The following AGO4 variants were observed in gnomAD, a reference collection of about 807,000 sequenced individuals.
The protein encoded by AGO4 is argonaute RISC component 4, also known as protein argonaute-4.
A neutral mutation model predicts 104.7 loss-of-function variants in AGO4; 33 were observed. That is an observed-to-expected ratio of 0.32 (90% CI 0.24 to 0.42). AGO4 has a LOEUF of 0.42. AGO4 is among the 10% of genes least tolerant of loss of function. AGO4 has a pLI of 1.00. For missense variants in AGO4, 711 were observed against 1,083.4 expected, an observed-to-expected ratio of 0.66 and a Z score of 4.83; for synonymous variants, 331 against 364.7, an observed-to-expected ratio of 0.91 and a Z score of 1.05.
chr1:35,811,756 C>T (rs1003685553), intron 1 of AGO4, among the ~76,000 whole-genome samples: 26 of 151,958 alleles, frequency 1.7e-4, no homozygotes, highest in Admixed American at 1.1e-3. Flanking sequence ...GCACCCACCA[C>T]GCCTGGCTAA....
At chr1:35,825,838 C>T in intron 5 of AGO4, 23 bp downstream of exon 5, 1 of 1,589,384 alleles carries the variant, frequency 6.3e-7, no homozygotes, top group Non-Finnish European at 8.6e-7. Context: ...TCTCTTTATC[C>T]AATAACTCTT....
At chr1:35,830,209 C>T (rs981243775) in intron 7 of AGO4, among the ~76,000 whole-genome samples, 1 of 151,594 alleles carries the variant, frequency 6.6e-6, no homozygotes, top group Non-Finnish European at 1.5e-5. Flanking sequence ...ATAATTTGCC[C>T]ACTGGAAAAG....
intron 1 of AGO4, among the ~76,000 whole-genome samples, chr1:35,813,592 C>T (rs1000769219): frequency 1.3e-4 from 19 of 151,320 alleles, no homozygotes; most frequent in Non-Finnish European, 7.4e-5. Flanking sequence ...CCCCAAACCT[C>T]GTCTCTACCA....
chr1:35,832,380 T>G (rs962849672), intron 10 of AGO4, 57 bp from the exon 11 acceptor site: 4 of 1,521,858 alleles, frequency 2.6e-6, no homozygotes, highest in Non-Finnish European at 3.5e-6. Context: ...TTGTAATGTC[T>G]TTTCTCTTTT....
intron 2 of AGO4, among the ~76,000 whole-genome samples, chr1:35,820,347 T>C (rs897819832): frequency 7.9e-5 from 12 of 151,926 alleles, no homozygotes; most frequent in African/African-American, 2.4e-4. Context: ...ATTAAGAAAG[T>C]TTAATTTTTT....
At chr1:35,814,991 C>G (rs556659935) in intron 1 of AGO4, among the ~76,000 whole-genome samples, 1 of 152,144 alleles carries the variant, frequency 6.6e-6, no homozygotes, top group African/African-American at 2.4e-5. Context: ...GATTCTCCTG[C>G]CTCAGCCTCC....
intron 15 of AGO4, among the ~76,000 whole-genome samples, chr1:35,845,063 G>C (rs1644534892): frequency 6.7e-6 from 1 of 148,736 alleles, no homozygotes; most frequent in African/African-American, 2.5e-5. Context: ...TGCCTTATTT[G>C]GCCTTAGCAA....
At chr1:35,826,098 TCAGCATGCTG>T in intron 6 of AGO4, 38 bp downstream of exon 6, 1 of 1,608,982 alleles carries the variant, frequency 6.2e-7, no homozygotes, top group African/African-American at 1.3e-5. Flanking sequence ...GAGAAGCAGC[TCAGCATGCTG>T]CACGTTGCCT....
chr1:35,810,799 A>G (rs538984245), intron 1 of AGO4, among the ~76,000 whole-genome samples: 1 of 152,248 alleles, frequency 6.6e-6, no homozygotes, highest in Non-Finnish European at 1.5e-5. Context: ...TTGCCCTTTC[A>G]GAGAATGCAG....
chr1:35,831,825 T>C lies in AGO4; in HGVS notation c.1010T>C (p.Val337Ala). 1 of 1,614,098 alleles carries C rather than the reference T, an allele frequency of 6.2e-7. No homozygotes were observed. The highest frequency in any genetic ancestry group is 8.5e-7 in the Non-Finnish European group (1 of 1,179,986). ...TYLPLEVCNI[V>A]AGQRCIKKLT... is the part of the protein sequence containing the mutation. ...GTCTCTTGGCAGGTCTGTAATATAGTGGCAGGACAGCGATGTATCAAGAAG... is the reference window on the plus strand; with the variant it reads ...GTCTCTTGGCAGGTCTGTAATATAGCGGCAGGACAGCGATGTATCAAGAAG... The change falls in exon 9 of 18, where the codon GTG (valine) becomes GCG (alanine). Residue 337 changes from valine (V) to alanine (A), a missense_variant. Transcript: ENST00000373210.
chr1:35,824,731 T>G (rs1201596225), intron 3 of AGO4, among the ~76,000 whole-genome samples: 1 of 152,102 alleles, frequency 6.6e-6, no homozygotes, highest in Non-Finnish European at 1.5e-5. Flanking sequence ...AGCCCAGGAC[T>G]TTGAGGCTAC....
rs1281782999 is a variant in AGO4 at position 35,808,891 on chromosome 1, C to T, written c.19+456C>T. ...ATTTTTCTTTGCACTGGCAGATGGT[C>T]CAGAGCCTTCAGATGAGGAAGAAGA... On this transcript the variant is annotated intron_variant, in intron 1 of 17. Transcript: ENST00000373210. The surrounding 1 kb of genome is among the most constrained non-coding windows in gnomAD (Gnocchi z 5.2). Among the ~76,000 whole-genome samples, 1 of 152,194 alleles carries T rather than the reference C, an allele frequency of 6.6e-6. No individual in the cohort carries two copies. Among genetic ancestry groups the T allele is most frequent in the Non-Finnish European group, 1.5e-5 (1 of 68,040 alleles).
rs200471384 is a variant in AGO4 at position 35,825,788 on chromosome 1, A to C, written c.598A>C (p.Met200Leu). 29 of 1,591,584 alleles carry C rather than the reference A, an allele frequency of 1.8e-5. No individual in the cohort carries two copies. The highest frequency in any genetic ancestry group is 9.0e-5 in the Admixed American group (5 of 55,310). The change falls in exon 5 of 18, where the codon ATG becomes CTG. Residue 200 changes from methionine (M) to leucine (L), a missense_variant. Physicochemically the swap from Met to Leu is conservative, Grantham distance 15. Around this residue, in one of 3 missense-constraint regions of AGO4, gnomAD observed 308 missense variants for 397.8 expected, o/e 0.77. Transcript: ENST00000373210. The stretch of plus-strand genomic sequence containing the variant: ...TTTTCATCAGTCTGTGAGACCTGCC[A>C]TGTGGAATATGATGCTCAACATTGA... ...FGFHQSVRPA[M>L]WNMMLNIDVS...
chr1:35,830,131 G>A lies in AGO4; in HGVS notation c.849-1296G>A, dbSNP rs373682755. Among the ~76,000 whole-genome samples the A allele has an allele frequency of 4.8e-4, 51 of 105,598 alleles. 1 individual carries two copies. The highest frequency in any genetic ancestry group is 1.7e-3 in the African/African-American group (49 of 29,350). The allele number at this position is 105,598 out of a possible 152,430, so 69.3% of individuals were successfully genotyped here. Reference sequence around the variant, plus strand: ...TGCACTCCAGCCTAGGTGACAGAACGAGACTCTGTCTCAAAAAAAAAAAAA... The same window carrying A: ...TGCACTCCAGCCTAGGTGACAGAACAAGACTCTGTCTCAAAAAAAAAAAAA... On this transcript the variant is annotated intron_variant, in intron 7 of 17. Transcript: ENST00000373210.
At position 35,831,928 on chromosome 1, in the gene AGO4, A is replaced by G. The variant is rs376270425; in HGVS notation, c.1113A>G (p.Arg371=). ...CTGACAGACAGGAAGAGATCAGTAGACTGGTCAGTAAGGCATGGTCTTCAA... is the reference window on the plus strand; with the variant it reads ...CTGACAGACAGGAAGAGATCAGTAGGCTGGTCAGTAAGGCATGGTCTTCAA... ...SAPDRQEEIS[R]LVKSNSMVGG... is the part of the protein sequence containing the mutation. Residue 371 remains arginine, a synonymous_variant, in exon 9 of 18, where the codon AGA becomes AGG. Coordinates refer to ENST00000373210, the MANE Select transcript of AGO4 (RefSeq NM_017629.4). 1.2e-5 allele frequency: 19 copies of G among 1,613,958 alleles called. No homozygotes were observed. The African/African-American group carries it at 1.7e-4, about 15-fold the overall frequency.
At chr1:35,837,971 C>A (rs748561073) in intron 13 of AGO4, among the ~76,000 whole-genome samples, 1 of 152,070 alleles carries the variant, frequency 6.6e-6, no homozygotes, top group Non-Finnish European at 1.5e-5. Context: ...CAGCCTCAAT[C>A]TCCCCAGCTC....
At chr1:35,845,650 T>C (rs1644555369) in intron 15 of AGO4, among the ~76,000 whole-genome samples, 1 of 152,232 alleles carries the variant, frequency 6.6e-6, no homozygotes, top group African/African-American at 2.4e-5. Context: ...ATTCCCTTGC[T>C]TGTAGATTAC....
In AGO4 at chr1:35,841,247, A is replaced by G; in HGVS notation, c.1807A>G (p.Ile603Val). Residue 603 changes from isoleucine (I) to valine (V), a missense_variant, in exon 14 of 18, where the codon ATT becomes GTT. Ile to Val is a conservative substitution (Grantham distance 29, BLOSUM62 3). Around this residue, in one of 3 missense-constraint regions of AGO4, gnomAD observed 401 missense variants for 665.5 expected, o/e 0.60. Transcript: ENST00000373210. The surrounding 1 kb of genome is among the most constrained non-coding windows in gnomAD (Gnocchi z 4.7). ...AGCAGGGGATGGGAAGAAACCTTCCATTGCTGCTGTGGTTGGCAGTATGGA... is the reference window on the plus strand; with the variant it reads ...AGCAGGGGATGGGAAGAAACCTTCCGTTGCTGCTGTGGTTGGCAGTATGGA... Reference protein sequence around the residue: ...PPAGDGKKPSIAAVVGSMDGH... With the variant: ...PPAGDGKKPSVAAVVGSMDGH... The G allele has an allele frequency of 6.2e-7, 1 of 1,614,088 alleles. No homozygotes were observed. The highest frequency in any genetic ancestry group is 8.5e-7 in the Non-Finnish European group (1 of 1,180,026).
intron 7 of AGO4, 33 bp downstream of exon 7, chr1:35,826,868 C>T: frequency 6.3e-7 from 1 of 1,598,508 alleles, no homozygotes; most frequent in African/African-American, 1.3e-5. Flanking sequence ...AATACAATTA[C>T]ATTTTTAGTA....
Sources: gnomAD v4.1 joint callset for allele counts (sites outside exome capture counted in the v4.1 genomes callset) on GRCh38, gnomAD v4.1.1 for gene constraint, gnomAD v4.1.1 regional missense constraint, Gnocchi (gnomAD v3.1) non-coding constraint, MANE v1.5 for transcripts, NCBI Gene and HGNC (gene_info 2026-07-23, HGNC 2026-07-21) for gene names.